Variants in CEP83 observed in about 807,000 individuals in gnomAD.
The protein encoded by CEP83 is centrosomal protein of 83 kDa.
Under a neutral mutation model 101.9 loss-of-function variants are expected in CEP83, and 70 were observed. The ratio of observed to expected loss-of-function variants is 0.69; its 90% CI spans 0.57 to 0.84. The LOEUF (loss-of-function observed/expected upper bound fraction) is 0.84, where lower values mean the gene tolerates loss of function less well. Among genes scored for constraint, CEP83 ranks in the 40% least tolerant of loss-of-function variants. CEP83 has a pLI of 0.00. For synonymous variants in CEP83, 264 were observed against 267.9 expected (o/e 0.99, Z 0.14); for missense variants, 715 against 787.2 (o/e 0.91, Z 1.10).
At chr12:94,421,061 G>T (rs1484864960) in intron 2 of CEP83, among the ~76,000 whole-genome samples, 1 of 151,344 alleles carries the variant, frequency 6.6e-6, no homozygotes, top group African/African-American at 2.4e-5. Flanking sequence ...AATTTTTTTT[G>T]AGACATTCTC....
At chr12:94,282,514 C>T in the CEP83 span, 8 of 723,300 alleles carry the variant, frequency 1.1e-5, no homozygotes, top group Admixed American at 2.5e-5. Context: ...ACTTGCAGAT[C>T]GATCGTGTCT....
At chr12:94,346,061 G>GT (rs953359294) in intron 11 of CEP83, among the ~76,000 whole-genome samples, 19 of 151,952 alleles carry the variant, frequency 1.3e-4, no homozygotes, top group African/African-American at 4.3e-4. Context: ...CTTTCTTATT[G>GT]TTTTTTTGAG....
In CEP83 at chr12:94,375,915, C is replaced by T. The variant is rs1306151593; in HGVS notation, c.904G>A (p.Glu302Lys). 4.0e-6 allele frequency: 6 copies of T among 1,506,534 alleles called. No homozygotes were observed. Among genetic ancestry groups the T allele is most frequent in the Non-Finnish European group, 5.4e-6 (6 of 1,110,102 alleles). 93.3% of individuals were successfully genotyped at this position (1,506,534 alleles called of 1,614,324 possible). The change falls in exon 8 of 17, where the codon GAA becomes AAA. Residue 302 changes from glutamate to lysine, a missense_variant. By Grantham distance (56) the Glu-to-Lys change is moderately conservative. Transcript: ENST00000397809. ...TFLINKLHKA[E>K]REINTLSSKV... ...CTGGACAATGTATTTATTTCTCGTT[C>T]AGCTTTATGCAATTTATTAATTAAA...
intron 14 of CEP83, among the ~76,000 whole-genome samples, chr12:94,322,623 G>C (rs1055161300): frequency 2.0e-5 from 3 of 152,212 alleles, no homozygotes; most frequent in African/African-American, 7.2e-5. Context: ...GTTGGGGTAT[G>C]GTTGTAGACC....
chr12:94,423,086 ATTTT>A (rs555841727), intron 2 of CEP83, among the ~76,000 whole-genome samples: 1 of 146,502 alleles, frequency 6.8e-6, no homozygotes, highest in African/African-American at 2.5e-5. Context: ...ACATATGAGA[ATTTT>A]TTTTTTTTTC....
chr12:94,301,570 A>C (rs187393144), downstream of CEP83, among the ~76,000 whole-genome samples: 38 of 152,342 alleles, frequency 2.5e-4, no homozygotes, highest in East Asian at 5.6e-3. Flanking sequence ...AACTCAAAGA[A>C]AGACAAAAAT....
chr12:94,282,388 T>C, the CEP83 span: 1 of 1,609,572 alleles, frequency 6.2e-7, no homozygotes, highest in Non-Finnish European at 8.5e-7. Context: ...CTAAACACCA[T>C]TGGCCACTAT....
intron 1 of CEP83, among the ~76,000 whole-genome samples, chr12:94,448,725 C>T (rs1056299356): frequency 3.9e-5 from 6 of 151,912 alleles, no homozygotes; most frequent in South Asian, 2.1e-4. Context: ...AAATATATTT[C>T]GAATTGAATG....
At position 94,316,098 on chromosome 12, in the gene CEP83, A is replaced by G. The variant is rs191680890; in HGVS notation, c.1708-3081T>C. ...TTATGGATAAATTTGGGAAGAACTG[A>G]CACCTTAATATTGAATCTTCCAAGT... On this transcript the variant is annotated intron_variant, in intron 14 of 16. Transcript: ENST00000397809. Among the ~76,000 whole-genome samples, 524 of 152,250 alleles carry G rather than the reference A, an allele frequency of 3.4e-3. 1 individual carries two copies. Among genetic ancestry groups the G allele is most frequent in the African/African-American group, 0.011 (438 of 41,556 alleles).
intron 6 of CEP83, among the ~76,000 whole-genome samples, chr12:94,394,771 A>T (rs754559134): frequency 2.0e-4 from 31 of 152,246 alleles, no homozygotes; most frequent in Non-Finnish European, 3.7e-4. Context: ...ACTCAAAGTT[A>T]CAAGAAAAAA....
At chr12:94,353,597 T>G (rs1245417239) in intron 11 of CEP83, among the ~76,000 whole-genome samples, 2 of 152,150 alleles carry the variant, frequency 1.3e-5, no homozygotes, top group Admixed American at 6.5e-5. Flanking sequence ...TAACTTTGAA[T>G]GTAAACAGAT....
In CEP83 at chr12:94,336,292, T is replaced by C. The variant is rs551837306; in HGVS notation, c.1344-628A>G. ...AGAGCCTTAAAAAGCAGAGCAGCTCTAGTGACCAAATGAGTAACCTCATGA... is the reference window on the plus strand; with the variant it reads ...AGAGCCTTAAAAAGCAGAGCAGCTCCAGTGACCAAATGAGTAACCTCATGA... On this transcript the variant is annotated intron_variant, in intron 11 of 16. Transcript: ENST00000397809. 5.3e-5 allele frequency among the ~76,000 whole-genome samples: 8 copies of C among 152,320 alleles called. No individual in the cohort carries two copies. The East Asian group carries it at 1.5e-3, about 29-fold the overall frequency.
At chr12:94,294,364 TGATA>T in the CEP83 span, 20 of 578,824 alleles carry the variant, frequency 3.5e-5, no homozygotes, top group Non-Finnish European at 5.8e-5. Context: ...TAGTAATTCT[TGATA>T]AATATTTGAT....
chr12:94,321,922 CAGTAT>C (rs1727111092), intron 14 of CEP83, among the ~76,000 whole-genome samples: 1 of 151,818 alleles, frequency 6.6e-6, no homozygotes, highest in Non-Finnish European at 1.5e-5. Flanking sequence ...AGGGCTGCTA[CAGTAT>C]GCTGGGGGTC....
rs898968685 is a variant in CEP83 at position 94,437,431 on chromosome 12, C to T, written c.-154-2104G>A. On this transcript the variant is annotated intron_variant, in intron 1 of 16. Transcript: ENST00000397809. ...CAAAAAGATCACCTAGGCACACAGT[C>T]ATCAGGTTATCTAAAGTCAAGACAA... 5.3e-5 allele frequency among the ~76,000 whole-genome samples: 8 copies of T among 152,248 alleles called. No homozygotes were observed. The South Asian group carries it at 8.3e-4, about 16-fold the overall frequency.
At chr12:94,297,161 T>C in the CEP83 span, 10 of 1,612,822 alleles carry the variant, frequency 6.2e-6, no homozygotes, top group African/African-American at 2.7e-5. Flanking sequence ...AATGGACTGC[T>C]TTCTCTCCCT....
intron 6 of CEP83, 118 bp from the exon 7 acceptor site, chr12:94,379,160 C>G: frequency 2.4e-6 from 2 of 848,498 alleles, no homozygotes; most frequent in Non-Finnish European, 3.6e-6. Flanking sequence ...GGTGCTGAAA[C>G]AAAGTACAAA....
chr12:94,299,762 A>G, the CEP83 span, among the ~76,000 whole-genome samples: 40 of 152,120 alleles, frequency 2.6e-4, no homozygotes, highest in Admixed American at 9.2e-4. Flanking sequence ...GTCTCACTAC[A>G]CTGCCCAGGC....
chr12:94,273,902 A>G, the CEP83 span, among the ~76,000 whole-genome samples: 2 of 152,100 alleles, frequency 1.3e-5, no homozygotes. Context: ...AGGAGCTCCA[A>G]GCCGGTCCCT....
Sources: gnomAD v4.1 joint callset for allele counts (sites outside exome capture counted in the v4.1 genomes callset) on GRCh38, gnomAD v4.1.1 for gene constraint, MANE v1.5 for transcripts, NCBI Gene and HGNC (gene_info 2026-07-23, HGNC 2026-07-21) for gene names.